The following CCSER1 variants were observed in gnomAD, a reference collection of about 807,000 sequenced individuals.
CCSER1 encodes the protein coiled-coil serine rich protein 1.
In CCSER1, 41 loss-of-function variants were observed where a neutral mutation model predicts 82.0. The ratio of observed to expected loss-of-function variants is 0.50; its 90% CI spans 0.39 to 0.65. The LOEUF (loss-of-function observed/expected upper bound fraction) is 0.65. Among genes scored for constraint, CCSER1 ranks in the 30% least tolerant of loss-of-function variants. The pLI is 0.00. For synonymous variants in CCSER1, 414 were observed against 383.9 expected (o/e 1.08, Z -0.92); for missense variants, 1,119 against 1,064.2 (o/e 1.05, Z -0.72).
chr4:91,108,866 G>T (rs1218239863), intron 10 of CCSER1, among the ~76,000 whole-genome samples: 5 of 152,106 alleles, frequency 3.3e-5, no homozygotes, highest in African/African-American at 1.2e-4. Flanking sequence ...TGTCTGCGAG[G>T]GTGTTTCTAG....
At chr4:91,451,539 T>A (rs1191977207) in intron 10 of CCSER1, among the ~76,000 whole-genome samples, 1 of 151,766 alleles carries the variant, frequency 6.6e-6, no homozygotes, top group Admixed American at 6.6e-5. Flanking sequence ...ATAAGGAGAA[T>A]AACCAATCAA....
chr4:90,902,341 C>A (rs768002170), intron 8 of CCSER1, among the ~76,000 whole-genome samples: 1 of 151,842 alleles, frequency 6.6e-6, no homozygotes, highest in Non-Finnish European at 1.5e-5. Flanking sequence ...TAGTATGATC[C>A]TTTGGAAGAT....
intron 1 of CCSER1, among the ~76,000 whole-genome samples, chr4:90,266,180 G>T (rs927369511): frequency 1.9e-4 from 29 of 152,026 alleles, no homozygotes; most frequent in African/African-American, 7.0e-4. Flanking sequence ...AATACTTCAG[G>T]TTATATGATT....
At chr4:91,497,831 A>ATGAT (rs1759006360) in intron 10 of CCSER1, among the ~76,000 whole-genome samples, 1 of 151,948 alleles carries the variant, frequency 6.6e-6, no homozygotes, top group African/African-American at 2.4e-5. Flanking sequence ...TTAATGTTTT[A>ATGAT]TGATGTACTA....
At chr4:90,457,807 G>A (rs1578564250) in intron 4 of CCSER1, among the ~76,000 whole-genome samples, 1 of 152,154 alleles carries the variant, frequency 6.6e-6, no homozygotes, top group African/African-American at 2.4e-5. Context: ...GCATAAAGGT[G>A]AGTCTTCACC....
chr4:90,186,143 T>C (rs183842361), intron 1 of CCSER1, among the ~76,000 whole-genome samples: 1 of 152,150 alleles, frequency 6.6e-6, no homozygotes, highest in African/African-American at 2.4e-5. Context: ...TAGGATGCTG[T>C]CTTTGGGCAG....
chr4:90,403,340 A>T (rs1753178679), intron 4 of CCSER1, among the ~76,000 whole-genome samples: 1 of 151,674 alleles, frequency 6.6e-6, no homozygotes, highest in Admixed American at 6.6e-5. Flanking sequence ...TCTACTAAAA[A>T]TACAAAAAAT....
chr4:91,368,187 A>AT (rs2149320628), intron 10 of CCSER1, among the ~76,000 whole-genome samples: 1 of 152,194 alleles, frequency 6.6e-6, no homozygotes, highest in Non-Finnish European at 1.5e-5. Context: ...GATAACTAAA[A>AT]CTTTTATGAT....
chr4:91,475,369 T>A (rs574206977), intron 10 of CCSER1, among the ~76,000 whole-genome samples: 1 of 152,016 alleles, frequency 6.6e-6, no homozygotes, highest in African/African-American at 2.4e-5. Flanking sequence ...AGAGCAGATA[T>A]GAGGTTGATA....
At chr4:90,698,770 G>A (rs17017436) in intron 6 of CCSER1, among the ~76,000 whole-genome samples, 8,735 of 152,194 alleles carry the variant, frequency 0.057, 304 homozygotes, top group East Asian at 0.15. Context: ...TGAAAAACTA[G>A]CCAGTAGTGA....
At chr4:90,543,596 T>C (rs1776372797) in intron 5 of CCSER1, among the ~76,000 whole-genome samples, 1 of 152,164 alleles carries the variant, frequency 6.6e-6, no homozygotes, top group Non-Finnish European at 1.5e-5. Flanking sequence ...AGGCACCCCA[T>C]GACAGAGTCC....
intron 7 of CCSER1, among the ~76,000 whole-genome samples, chr4:90,783,812 A>G (rs116175918): frequency 0.014 from 2,188 of 152,262 alleles, 51 homozygotes; most frequent in African/African-American, 0.049. Flanking sequence ...TACACTAAGA[A>G]AGACACAGCC....
chr4:91,386,320 C>G (rs1206771051), intron 10 of CCSER1, among the ~76,000 whole-genome samples: 1 of 151,824 alleles, frequency 6.6e-6, no homozygotes, highest in Admixed American at 6.6e-5. Flanking sequence ...ATTTAATCTC[C>G]AAATAATTAA....
chr4:90,157,966 C>T (rs1728611139), intron 1 of CCSER1, among the ~76,000 whole-genome samples: 2 of 152,234 alleles, frequency 1.3e-5, no homozygotes, highest in African/African-American at 4.8e-5. Context: ...TTTAGAGTTT[C>T]CAGTTTTTCT....
intron 8 of CCSER1, among the ~76,000 whole-genome samples, chr4:90,921,514 ATTTG>A (rs1300257793): frequency 1.3e-5 from 2 of 151,816 alleles, no homozygotes; most frequent in South Asian, 2.1e-4. Context: ...TAAAGTTTTT[ATTTG>A]TTTGTTTGTT....
At chr4:90,213,628 G>T (rs570283791) in intron 1 of CCSER1, among the ~76,000 whole-genome samples, 12 of 152,232 alleles carry the variant, frequency 7.9e-5, no homozygotes, top group Non-Finnish European at 1.5e-4. Context: ...AGAAGAACCA[G>T]CAAATGCTTG....
At chr4:90,914,759 G>A (rs956616184) in intron 8 of CCSER1, among the ~76,000 whole-genome samples, 2 of 141,520 alleles carry the variant, frequency 1.4e-5, no homozygotes, top group African/African-American at 2.6e-5. Flanking sequence ...AAAATTGATA[G>A]ACCACTAGCA....
chr4:91,203,269 T>C (rs1279917405), intron 10 of CCSER1, among the ~76,000 whole-genome samples: 1 of 152,014 alleles, frequency 6.6e-6, no homozygotes, highest in Admixed American at 6.6e-5. Flanking sequence ...TTTTTTCATG[T>C]GGCAGACTAC....
intron 5 of CCSER1, among the ~76,000 whole-genome samples, chr4:90,618,358 T>C (rs563492749): frequency 1.7e-3 from 259 of 152,100 alleles, no homozygotes; most frequent in Non-Finnish European, 2.4e-3. Context: ...CTAACACTTA[T>C]AGCTCTTAGA....
Sources: gnomAD v4.1 joint callset for allele counts (sites outside exome capture counted in the v4.1 genomes callset) on GRCh38, gnomAD v4.1.1 for gene constraint, MANE v1.5 for transcripts, NCBI Gene and HGNC (gene_info 2026-07-23, HGNC 2026-07-21) for gene names.